Variants in CLSTN2 observed in about 807,000 individuals in gnomAD.
CLSTN2 encodes calsyntenin 2.
Under a neutral mutation model 101.2 loss-of-function variants are expected in CLSTN2, and 48 were observed. That is an observed-to-expected ratio of 0.47 (90% CI 0.38 to 0.60). The LOEUF (loss-of-function observed/expected upper bound fraction) is 0.60, where lower values mean the gene tolerates loss of function less well. Ranked by LOEUF, CLSTN2 falls within the 20% of genes least tolerant of loss-of-function variation. The pLI, the probability that CLSTN2 is intolerant of heterozygous loss-of-function variation, is 0.00. For synonymous variants in CLSTN2, 481 were observed against 463.6 expected (o/e 1.04, Z -0.48); for missense variants, 1,160 against 1,238.2 (o/e 0.94, Z 0.95).
chr3:140,378,046 T>C (rs1314159687), intron 2 of CLSTN2, among the ~76,000 whole-genome samples: 1 of 152,238 alleles, frequency 6.6e-6, no homozygotes, highest in East Asian at 1.9e-4. Context: ...ATTTCTTTCC[T>C]ACAGTATTCA....
intron 2 of CLSTN2, among the ~76,000 whole-genome samples, chr3:140,265,359 G>A (rs1195492024): frequency 6.6e-6 from 1 of 152,170 alleles, no homozygotes; most frequent in Non-Finnish European, 1.5e-5. Context: ...ACCTCTGGAG[G>A]CTTCGACAGT....
chr3:140,569,437 G>A lies in CLSTN2; in HGVS notation c.*3184G>A, dbSNP rs918895124. The A allele has an allele frequency of 3.5e-4, 53 of 152,196 alleles. No individual in the cohort carries two copies. The highest frequency in any genetic ancestry group is 1.2e-3 in the African/African-American group (50 of 41,436). The allele number at this position is 152,196 out of a possible 1,614,324, so 9.4% of individuals were successfully genotyped here. ...CTTGAAAATAGGCTACAACTCTCAG[G>A]TGATTCAGATGACATGGAGGAGAAG... On this transcript the variant is annotated 3_prime_UTR_variant, in exon 17 of 17. Transcript: ENST00000458420.
At chr3:140,086,448 C>G (rs770706145) in intron 1 of CLSTN2, among the ~76,000 whole-genome samples, 2 of 152,168 alleles carry the variant, frequency 1.3e-5, no homozygotes, top group African/African-American at 4.8e-5. Context: ...ATTGATAGTA[C>G]TTACCTGTAG....
At chr3:139,964,807 T>C (rs1298633356) in intron 1 of CLSTN2, among the ~76,000 whole-genome samples, 1 of 152,230 alleles carries the variant, frequency 6.6e-6, no homozygotes, top group Non-Finnish European at 1.5e-5. Context: ...GAAATGCATT[T>C]TGCTGGTTGC....
At chr3:140,293,736 C>T (rs570598711) in intron 2 of CLSTN2, among the ~76,000 whole-genome samples, 76 of 152,250 alleles carry the variant, frequency 5.0e-4, no homozygotes, top group African/African-American at 1.7e-3. Flanking sequence ...GATGCTGAGG[C>T]ACCCTGACAA....
chr3:140,538,913 T>C (rs1369648510), intron 9 of CLSTN2, among the ~76,000 whole-genome samples: 1 of 152,222 alleles, frequency 6.6e-6, no homozygotes. Flanking sequence ...GCATGTTCAC[T>C]TATTAAAGGC....
intron 4 of CLSTN2, among the ~76,000 whole-genome samples, chr3:140,412,098 C>G (rs2088371296): frequency 6.6e-6 from 1 of 152,208 alleles, no homozygotes; most frequent in African/African-American, 2.4e-5. Context: ...TCACCATAAC[C>G]TCTGCCTCCC....
At chr3:140,257,335 T>C (rs1368155711) in intron 2 of CLSTN2, among the ~76,000 whole-genome samples, 2 of 152,100 alleles carry the variant, frequency 1.3e-5, no homozygotes, top group Admixed American at 6.6e-5. Flanking sequence ...GGACAAGACA[T>C]AAGCAACAGT....
chr3:140,423,437 T>C (rs2088527634), intron 5 of CLSTN2, among the ~76,000 whole-genome samples: 1 of 152,134 alleles, frequency 6.6e-6, no homozygotes, highest in African/African-American at 2.4e-5. Flanking sequence ...AGCAAAACTT[T>C]GGTTAAAAAA....
intron 8 of CLSTN2, among the ~76,000 whole-genome samples, chr3:140,526,624 G>C (rs1364556895): frequency 7.1e-6 from 1 of 140,440 alleles, no homozygotes; most frequent in Non-Finnish European, 1.5e-5. Context: ...CAGCAATACT[G>C]AGCAAACAAC....
intron 5 of CLSTN2, among the ~76,000 whole-genome samples, chr3:140,440,256 T>A (rs1269964131): frequency 6.6e-6 from 1 of 152,204 alleles, no homozygotes; most frequent in Admixed American, 6.5e-5. Flanking sequence ...GAGGCTTCAC[T>A]GAGGATATGG....
chr3:140,364,742 C>T (rs927733826), intron 2 of CLSTN2, among the ~76,000 whole-genome samples: 6 of 152,150 alleles, frequency 3.9e-5, no homozygotes, highest in African/African-American at 9.7e-5. Context: ...TTCACATCAT[C>T]GCTTACCTTT....
intron 1 of CLSTN2, among the ~76,000 whole-genome samples, chr3:140,175,679 G>A (rs1180757516): frequency 1.3e-5 from 2 of 152,194 alleles, no homozygotes; most frequent in Admixed American, 6.5e-5. Context: ...TTGACGAGGT[G>A]AAGAATCCGT....
intron 2 of CLSTN2, among the ~76,000 whole-genome samples, chr3:140,300,166 T>A (rs1295275879): frequency 6.6e-6 from 1 of 152,238 alleles, no homozygotes; most frequent in Non-Finnish European, 1.5e-5. Context: ...TGCCAAAATC[T>A]GCAGTTTAAT....
chr3:140,444,880 AGAT>A (rs1381884884), intron 5 of CLSTN2, among the ~76,000 whole-genome samples: 2 of 152,216 alleles, frequency 1.3e-5, no homozygotes. Context: ...ACCCTCCAAG[AGAT>A]GAGGAGGGAC....
chr3:140,293,309 C>T (rs1036633179), intron 2 of CLSTN2, among the ~76,000 whole-genome samples: 1 of 152,094 alleles, frequency 6.6e-6, no homozygotes, highest in African/African-American at 2.4e-5. Context: ...TTGGCACTTT[C>T]CTTAGTAGGC....
intron 1 of CLSTN2, among the ~76,000 whole-genome samples, chr3:139,940,495 TGA>T (rs1243915060): frequency 6.6e-6 from 1 of 151,826 alleles, no homozygotes; most frequent in Admixed American, 6.6e-5. Context: ...GACTAATTAT[TGA>T]TCACTTGAAC....
In CLSTN2 at chr3:140,189,857, C is replaced by T. The variant is rs139856057; in HGVS notation, c.232+13784C>T. Among the ~76,000 whole-genome samples, 768 of 152,208 alleles carry T rather than the reference C, an allele frequency of 5.0e-3. 9 individuals carry two copies. The highest frequency in any genetic ancestry group is 0.018 in the African/African-American group (739 of 41,536). On this transcript the variant is annotated intron_variant, in intron 2 of 16. Coordinates refer to ENST00000458420, the MANE Select transcript of CLSTN2 (RefSeq NM_022131.3). Reference sequence around the variant, plus strand: ...CCTTGGTCAAAAATCAGCAGGGCATCGTCTGAGTTCATTGAAGCTGCCATA... The same window carrying T: ...CCTTGGTCAAAAATCAGCAGGGCATTGTCTGAGTTCATTGAAGCTGCCATA...
At chr3:140,116,626 T>C (rs2107797184) in intron 1 of CLSTN2, among the ~76,000 whole-genome samples, 1 of 152,282 alleles carries the variant, frequency 6.6e-6, no homozygotes, top group East Asian at 1.9e-4. Context: ...CCTCCTTAAC[T>C]TTTGCGCCCC....
Sources: gnomAD v4.1 joint callset for allele counts (sites outside exome capture counted in the v4.1 genomes callset) on GRCh38, gnomAD v4.1.1 for gene constraint, MANE v1.5 for transcripts, NCBI Gene and HGNC (gene_info 2026-07-23, HGNC 2026-07-21) for gene names.